SH2B3: variants seen among roughly 807,000 people sequenced by gnomAD.
SH2B3 encodes the protein SH2B adapter protein 3.
Under a neutral mutation model 51.9 loss-of-function variants are expected in SH2B3, and 43 were observed. That is an observed-to-expected ratio of 0.83 (90% CI 0.65 to 1.07). SH2B3 has a LOEUF of 1.07. SH2B3 is among the 50% of genes least tolerant of loss of function. SH2B3 has a pLI of 0.00. For missense variants in SH2B3, 952 were observed against 834.3 expected (o/e 1.14, Z -1.74); for synonymous variants, 396 against 376.0 (o/e 1.05, Z -0.62).
chr12:111,436,313 G>T (rs997525456), intron 2 of SH2B3, among the ~76,000 whole-genome samples: 1 of 152,214 alleles, frequency 6.6e-6, no homozygotes, highest in Non-Finnish European at 1.5e-5. Flanking sequence ...AGCCAGGTGG[G>T]CTGGATGGGG....
At chr12:111,430,998 G>T (rs1872436334) in intron 2 of SH2B3, among the ~76,000 whole-genome samples, 1 of 140,892 alleles carries the variant, frequency 7.1e-6, no homozygotes, top group African/African-American at 2.5e-5. Context: ...TGCGCTAGAA[G>T]AGGTCTCCGA....
At chr12:111,443,360 T>C (rs1440688914) in intron 2 of SH2B3, 2 of 152,242 alleles carry the variant, frequency 1.3e-5, no homozygotes, top group South Asian at 2.1e-4. Context: ...TGCATTTCCA[T>C]GTGGACCCTG....
chr12:111,419,984 T>A (rs1361599709), intron 2 of SH2B3, among the ~76,000 whole-genome samples: 12 of 152,206 alleles, frequency 7.9e-5, no homozygotes, highest in Admixed American at 7.9e-4. Flanking sequence ...TTTTGTACAA[T>A]GTCCAGGGAC....
chr12:111,427,743 C>A (rs778512071), intron 2 of SH2B3, among the ~76,000 whole-genome samples: 2 of 152,274 alleles, frequency 1.3e-5, no homozygotes, highest in Non-Finnish European at 2.9e-5. Flanking sequence ...CAGTTTCCCT[C>A]ATCTGTACAG....
At chr12:111,422,781 T>C (rs750356288) in intron 2 of SH2B3, among the ~76,000 whole-genome samples, 36 of 152,032 alleles carry the variant, frequency 2.4e-4, no homozygotes, top group Non-Finnish European at 4.1e-4. Flanking sequence ...AGGCTGGTCT[T>C]GAACTCCTGA....
intron 2 of SH2B3, among the ~76,000 whole-genome samples, chr12:111,436,405 G>A (rs923130484): frequency 6.6e-6 from 1 of 152,082 alleles, no homozygotes; most frequent in African/African-American, 2.4e-5. Context: ...GGCTTTCCAG[G>A]CATCATCCCT....
chr12:111,425,258 G>C (rs552714225), intron 2 of SH2B3, among the ~76,000 whole-genome samples: 2 of 152,280 alleles, frequency 1.3e-5, no homozygotes, highest in Non-Finnish European at 2.9e-5. Context: ...CAGGGGTGGG[G>C]GTGTGGGTGG....
chr12:111,438,673 C>T lies in SH2B3; in HGVS notation c.733-8080C>T, dbSNP rs1292303271. On this transcript the variant is annotated intron_variant, in intron 2 of 7. Coordinates refer to ENST00000341259, the MANE Select transcript of SH2B3 (RefSeq NM_005475.3). This position sits in a 1 kb window ranked among gnomAD's most constrained non-coding sequence, Gnocchi z 4.2. ...CGGCAGAGACCTGCATCAAGGAATG[C>T]GCAAGACCAGCTCATAGGACAACAG... Among the ~76,000 whole-genome samples the T allele has an allele frequency of 1.3e-5, 2 of 152,198 alleles. No individual in the cohort carries two copies. The highest frequency in any genetic ancestry group is 2.4e-5 in the African/African-American group (1 of 41,448).
In SH2B3 at chr12:111,418,930, A is replaced by G. The variant is rs1429097305; in HGVS notation, c.732+53A>G. ...GCACTGCACTGCGCCCTTCGCCTTCACCCTGGGGAGAGCGCGGGCTGGGGA... is the reference window on the plus strand; with the variant it reads ...GCACTGCACTGCGCCCTTCGCCTTCGCCCTGGGGAGAGCGCGGGCTGGGGA... On this transcript the variant is annotated intron_variant, in intron 2 of 7. Transcript: ENST00000341259. This position sits in a 1 kb window ranked among gnomAD's most constrained non-coding sequence, Gnocchi z 6.7. The G allele has an allele frequency of 8.9e-6, 12 of 1,351,774 alleles. No individual in the cohort carries two copies. The highest frequency in any genetic ancestry group is 2.7e-4 in the Middle Eastern group (1 of 3,664). The allele number at this position is 1,351,774 out of a possible 1,614,324, so 83.7% of individuals were successfully genotyped here. A position where few individuals can be genotyped will look rare whatever the true frequency, so the allele number is the denominator to read the frequency against.
intron 2 of SH2B3, among the ~76,000 whole-genome samples, chr12:111,424,707 G>T (rs1871853962): frequency 6.6e-6 from 1 of 152,156 alleles, no homozygotes; most frequent in Non-Finnish European, 1.5e-5. Flanking sequence ...AGTCCGGGCG[G>T]CTCAGGAGCA....
intron 2 of SH2B3, among the ~76,000 whole-genome samples, chr12:111,433,679 C>G (rs529164334): frequency 6.6e-6 from 1 of 152,356 alleles, no homozygotes; most frequent in East Asian, 1.9e-4. Flanking sequence ...CCTCCCACCT[C>G]AGCCTCTTGA....
At chr12:111,417,769 C>T (rs1871195569) in intron 1 of SH2B3, among the ~76,000 whole-genome samples, 1 of 152,094 alleles carries the variant, frequency 6.6e-6, no homozygotes, top group Non-Finnish European at 1.5e-5. Flanking sequence ...TATATAGGGC[C>T]TTCAGTGTGT....
In SH2B3 at chr12:111,432,537, C is replaced by T. The variant is rs113652784; in HGVS notation, c.732+13660C>T. Among the ~76,000 whole-genome samples the T allele has an allele frequency of 7.1e-4, 108 of 152,260 alleles. 1 individual carries two copies. The highest frequency in any genetic ancestry group is 3.4e-3 in the Middle Eastern group (1 of 294). ...GATATAATTTACAAACCATAAAATT[C>T]GCTTGTGTAAAGCGTATAATTCATT... On this transcript the variant is annotated intron_variant, in intron 2 of 7. Coordinates refer to ENST00000341259, the MANE Select transcript of SH2B3 (RefSeq NM_005475.3).
At chr12:111,433,286 G>A (rs189474710) in intron 2 of SH2B3, among the ~76,000 whole-genome samples, 5 of 152,264 alleles carry the variant, frequency 3.3e-5, no homozygotes, top group Non-Finnish European at 5.9e-5. Flanking sequence ...AGGAGGTGGA[G>A]GCTGCAGCGA....
chr12:111,423,694 CCTCAGTGGCTGGG>C (rs1277833267), intron 2 of SH2B3, among the ~76,000 whole-genome samples: 2 of 149,798 alleles, frequency 1.3e-5, no homozygotes, highest in African/African-American at 4.9e-5. Context: ...TGAAAAACAA[CCTCAGTGGCTGGG>C]CGCAGTGGCT....
rs886242710 is a variant in SH2B3, at chr12:111,418,173, T to G, written c.28T>G (p.Ser10Ala). The change falls in exon 2 of 8, where the codon TCG (serine) becomes GCG (alanine). Residue 10 changes from serine to alanine, a missense_variant. Transcript: ENST00000341259. The surrounding 1 kb of genome is among the most constrained non-coding windows in gnomAD (Gnocchi z 6.7). MNGPALQPSSPSSAPSASPA... is the reference protein window; with the variant it reads MNGPALQPSAPSSAPSASPA... ...GAACGGGCCTGCCCTGCAGCCCTCC[T>G]CGCCCTCTTCCGCGCCCTCAGCCTC... 1 of 1,552,226 alleles carries G rather than the reference T, an allele frequency of 6.4e-7. No homozygotes were observed. The highest frequency in any genetic ancestry group is 8.6e-7 in the Non-Finnish European group (1 of 1,162,594).
At chr12:111,437,604 T>C (rs1371656301) in intron 2 of SH2B3, among the ~76,000 whole-genome samples, 2 of 152,182 alleles carry the variant, frequency 1.3e-5, no homozygotes, top group East Asian at 3.9e-4. Flanking sequence ...AGTAATTTGC[T>C]CAGGGCCCTG....
intron 2 of SH2B3, among the ~76,000 whole-genome samples, chr12:111,437,322 C>G (rs1024800999): frequency 2.0e-5 from 3 of 152,194 alleles, no homozygotes; most frequent in Non-Finnish European, 4.4e-5. Context: ...CAGGAAAGGG[C>G]TTTTCTGGCA....
In SH2B3 at chr12:111,451,603, A is replaced by T. The variant is rs1874599447; in HGVS notation, c.*3301A>T. ...ATGTACAAATTGCTATATGTGAATT[A>T]AAAAGTTTTCAGAATCTTGATTTGC... On this transcript the variant is annotated 3_prime_UTR_variant, in exon 8 of 8. Coordinates refer to ENST00000341259, the MANE Select transcript of SH2B3 (RefSeq NM_005475.3). 6.5e-6 allele frequency: 1 copy of T among 152,804 alleles called. No homozygotes were observed. Among genetic ancestry groups the T allele is most frequent in the South Asian group, 2.1e-4 (1 of 4,834 alleles). The allele number at this position is 152,804 out of a possible 1,614,324, so 9.5% of individuals were successfully genotyped here.
Sources: allele counts gnomAD v4.1 joint callset (sites outside exome capture counted in the v4.1 genomes callset), GRCh38; gene constraint gnomAD v4.1.1; non-coding constraint Gnocchi (gnomAD v3.1); transcripts MANE v1.5; gene names NCBI Gene and HGNC (gene_info 2026-07-23, HGNC 2026-07-21).